HMCN2: variants seen among roughly 807,000 people sequenced by gnomAD.
HMCN2 encodes hemicentin 2.
Under a neutral mutation model 377.5 loss-of-function variants are expected in HMCN2, and 325 were observed. The ratio of observed to expected loss-of-function variants is 0.86; its 90% CI spans 0.79 to 0.94. The LOEUF (loss-of-function observed/expected upper bound fraction) is 0.94. HMCN2 is among the 40% of genes least tolerant of loss of function. The pLI, the probability that HMCN2 is intolerant of heterozygous loss-of-function variation, is 0.00. For missense variants in HMCN2, 4,543 were observed against 4,725.3 expected, an observed-to-expected ratio of 0.96 and a Z score of 1.13; for synonymous variants, 2,007 against 2,046.8, an observed-to-expected ratio of 0.98 and a Z score of 0.53.
rs1421848566 is a variant in HMCN2 at position 130,347,540 on chromosome 9, A to G, written c.4024+180A>G. On this transcript the variant is annotated intron_variant, in intron 26 of 97. Coordinates refer to ENST00000683500, the MANE Select transcript of HMCN2 (RefSeq NM_001291815.2). The surrounding 1 kb of genome is among the most constrained non-coding windows in gnomAD (Gnocchi z 5.1). ...TCCCCGGGGCCTGAAAGCTTCCTACACAGGAGAATCAGGTCCTGCCACCAG... is the reference window on the plus strand; with the variant it reads ...TCCCCGGGGCCTGAAAGCTTCCTACGCAGGAGAATCAGGTCCTGCCACCAG... Among the ~76,000 whole-genome samples, 1 of 152,162 alleles carries G rather than the reference A, an allele frequency of 6.6e-6. No homozygotes were observed. The highest frequency in any genetic ancestry group is 2.4e-5 in the African/African-American group (1 of 41,440).
At chr9:130,379,985 C>T (rs1468994798) in intron 54 of HMCN2, among the ~76,000 whole-genome samples, 2 of 152,188 alleles carry the variant, frequency 1.3e-5, no homozygotes, top group African/African-American at 2.4e-5. Flanking sequence ...AAGTGATTCT[C>T]CTGCCTCAGC....
intron 4 of HMCN2, among the ~76,000 whole-genome samples, chr9:130,291,207 T>TTTTGTTTG (rs782098065): frequency 1.3e-5 from 2 of 152,148 alleles, no homozygotes; most frequent in Non-Finnish European, 2.9e-5. Flanking sequence ...CATACTTGAT[T>TTTTGTTTG]TTTGTTTGTT....
At chr9:130,407,826 G>A (rs1268780143) in intron 83 of HMCN2, 121 bp downstream of exon 83, 5 of 700,982 alleles carry the variant, frequency 7.1e-6, no homozygotes, top group Non-Finnish European at 9.3e-6. Flanking sequence ...CACCCTGGCT[G>A]CATGTTAGAA....
At position 130,393,780 on chromosome 9, in the gene HMCN2, G is replaced by A. The variant is rs1172030517; in HGVS notation, c.10273G>A (p.Val3425Met). ...GGAGCCGGTGGAGTTCCAGAATGAC[G>A]TGGTGGTGGTTCGTGGCTCCCTGGT... Reference protein sequence around the residue: ...VLEPVEFQNDVVVVRGSLVEL... With the variant: ...VLEPVEFQNDMVVVRGSLVEL... The change falls in exon 68 of 98, where the codon GTG becomes ATG. Residue 3425 changes from valine (V) to methionine (M), a missense_variant. By Grantham distance (21) the Val-to-Met change is conservative. Transcript: ENST00000683500. This position sits in a 1 kb window ranked among gnomAD's most constrained non-coding sequence, Gnocchi z 5.2. 26 of 1,281,394 alleles carry A rather than the reference G, an allele frequency of 2.0e-5. No individual in the cohort carries two copies. The highest frequency in any genetic ancestry group is 5.6e-5 in the East Asian group (1 of 17,904). The allele number at this position is 1,281,394 out of a possible 1,614,324, so 79.4% of individuals were successfully genotyped here. A position where few individuals can be genotyped will look rare whatever the true frequency, so the allele number is the denominator to read the frequency against.
Position 130,395,987 on chromosome 9 carries a change from G to T in HMCN2, c.10975G>T (p.Ala3659Ser). 1 of 1,287,608 alleles carries T rather than the reference G, an allele frequency of 7.8e-7. No individual in the cohort carries two copies. 79.8% of individuals were successfully genotyped at this position (1,287,608 alleles called of 1,614,324 possible). Residue 3659 changes from alanine to serine, a missense_variant, in exon 72 of 98, where the codon GCT becomes TCT. Coordinates refer to ENST00000683500, the MANE Select transcript of HMCN2 (RefSeq NM_001291815.2). Reference protein sequence around the residue: ...RFLQLQALSTADSGDYSCTAR... With the variant: ...RFLQLQALSTSDSGDYSCTAR... ...CCTCCAGCTGCAGGCCCTGAGCACG[G>T]CTGACAGCGGCGACTACAGCTGCAC...
chr9:130,427,254 G>A, intron 90 of HMCN2, 59 bp from the exon 91 acceptor site: 1 of 1,524,496 alleles, frequency 6.6e-7, no homozygotes, highest in Non-Finnish European at 8.9e-7. Flanking sequence ...GCTATGGCCA[G>A]GGCAGCCTTG....
Position 130,303,441 on chromosome 9 carries a change from T to TG in HMCN2, c.1422-41dup, listed in dbSNP as rs782038399. Reference sequence around the variant, plus strand: ...GACTGAAGTCGGGGGGGACCCTGAGTGGGGGTCAGTGTGATTGTGTGTCTC... The same window carrying TG: ...GACTGAAGTCGGGGGGGACCCTGAGTGGGGGGTCAGTGTGATTGTGTGTCTC... On this transcript the variant is annotated intron_variant, in intron 9 of 97. Coordinates refer to ENST00000683500, the MANE Select transcript of HMCN2 (RefSeq NM_001291815.2). This position sits in a 1 kb window ranked among gnomAD's most constrained non-coding sequence, Gnocchi z 5.2. The TG allele has an allele frequency of 3.1e-5, 12 of 393,044 alleles. No individual in the cohort carries two copies. Among genetic ancestry groups the TG allele is most frequent in the Non-Finnish European group, 4.9e-5 (9 of 183,990 alleles). 24.3% of individuals were successfully genotyped at this position (393,044 alleles called of 1,614,324 possible).
rs898139972 is a variant in HMCN2 at position 130,315,937 on chromosome 9, C to T, written c.2351-3558C>T. Among the ~76,000 whole-genome samples, 984 of 152,310 alleles carry T rather than the reference C, an allele frequency of 6.5e-3. 7 individuals are homozygous for T. Among genetic ancestry groups the T allele is most frequent in the African/African-American group, 0.023 (937 of 41,554 alleles). On this transcript the variant is annotated intron_variant, in intron 15 of 97. Coordinates refer to ENST00000683500, the MANE Select transcript of HMCN2 (RefSeq NM_001291815.2). ...CAACCTCCATCACCTCTCAGAAGCCCCATCTCCAATACCATCACACTGGGG... is the reference window on the plus strand; with the variant it reads ...CAACCTCCATCACCTCTCAGAAGCCTCATCTCCAATACCATCACACTGGGG...
intron 25 of HMCN2, among the ~76,000 whole-genome samples, chr9:130,343,050 A>G (rs901959291): frequency 1.3e-5 from 2 of 152,242 alleles, no homozygotes; most frequent in South Asian, 4.2e-4. Flanking sequence ...GCCCCTCTGC[A>G]TGGAGCTGCT....
At chr9:130,284,729 G>A in intron 2 of HMCN2, 56 bp downstream of exon 2, 2 of 469,340 alleles carry the variant, frequency 4.3e-6, no homozygotes, top group East Asian at 7.0e-5. Flanking sequence ...CCACCAATAG[G>A]GTTTGGGGAG....
intron 26 of HMCN2, chr9:130,348,059 G>A: frequency 1.0e-6 from 1 of 985,264 alleles, no homozygotes; most frequent in Non-Finnish European, 1.2e-6. Flanking sequence ...GCTGGGGAGT[G>A]GTCTCTGTCG....
chr9:130,405,964 GC>G lies in HMCN2; in HGVS notation c.12350del (p.Ala4117GlufsTer112). On this transcript the variant is annotated frameshift_variant, in exon 82 of 98. Coordinates refer to ENST00000683500, the MANE Select transcript of HMCN2 (RefSeq NM_001291815.2). LOFTEE classifies it high-confidence loss of function. ...LLVKNLEGQD[A>X]GTYTCTAENA... ...CTTTCTTTGCTCACAGGGCCAGGAC[GC>G]AGGCACCTATACCTGTACCGCTGAG... 1 of 1,286,186 alleles carries G rather than the reference GC, an allele frequency of 7.8e-7. No homozygotes were observed. The highest frequency in any genetic ancestry group is 1.0e-6 in the Non-Finnish European group (1 of 986,044). The allele number at this position is 1,286,186 out of a possible 1,614,324, so 79.7% of individuals were successfully genotyped here.
chr9:130,267,226 T>C (rs1157999181), intron 1 of HMCN2, among the ~76,000 whole-genome samples: 4 of 151,698 alleles, frequency 2.6e-5, no homozygotes, highest in Non-Finnish European at 4.4e-5. Context: ...ATTACAAGCA[T>C]GAGCCACTGC....
intron 8 of HMCN2, among the ~76,000 whole-genome samples, chr9:130,302,068 G>A (rs1836545596): frequency 9.4e-6 from 1 of 106,942 alleles, no homozygotes; most frequent in Non-Finnish European, 1.8e-5. Flanking sequence ...TTGAGATGAA[G>A]TCTTGCTCTG....
At chr9:130,275,860 G>GCCTGGAGA (rs1313095467) in intron 1 of HMCN2, among the ~76,000 whole-genome samples, 11 of 152,098 alleles carry the variant, frequency 7.2e-5, no homozygotes, top group Admixed American at 5.2e-4. Context: ...CTCCTTGGAG[G>GCCTGGAGA]CCTGGAGGCC....
chr9:130,371,045 A>C lies in HMCN2; in HGVS notation c.7151A>C (p.Glu2384Ala). The change falls in exon 46 of 98, where the codon GAA becomes GCA. Residue 2384 changes from glutamate to alanine, a missense_variant. By Grantham distance (107) the Glu-to-Ala change is moderately radical. This residue lies in a region of HMCN2 where 1,032 missense variants were observed against 1,285.1 expected (regional missense o/e 0.80). Coordinates refer to ENST00000683500, the MANE Select transcript of HMCN2 (RefSeq NM_001291815.2). ...CACAGCCCCTTAACTCTGCTCTGTG[A>C]AGCCATGGGGATCCCACCTCCAGCC... ...ALHSPLTLLC[E>A]AMGIPPPAIR... 1 of 985,902 alleles carries C rather than the reference A, an allele frequency of 1.0e-6. No individual in the cohort carries two copies. Among genetic ancestry groups the C allele is most frequent in the African/African-American group, 1.7e-5 (1 of 57,360 alleles). The allele number at this position is 985,902 out of a possible 1,614,324, so 61.1% of individuals were successfully genotyped here. A position where few individuals can be genotyped will look rare whatever the true frequency, so the allele number is the denominator to read the frequency against.
rs1843570976 is a variant in HMCN2 at position 130,414,204 on chromosome 9, A to G, written c.12961+3552A>G. On this transcript the variant is annotated intron_variant, in intron 85 of 97. Coordinates refer to ENST00000683500, the MANE Select transcript of HMCN2 (RefSeq NM_001291815.2). The surrounding 1 kb of genome is among the most constrained non-coding windows in gnomAD (Gnocchi z 4.4). ...CACCTAATGAGGAGACAGAATTGTCACCACTGTCATCTACTGAGTGGGAAG... is the reference window on the plus strand; with the variant it reads ...CACCTAATGAGGAGACAGAATTGTCGCCACTGTCATCTACTGAGTGGGAAG... 6.6e-6 allele frequency among the ~76,000 whole-genome samples: 1 copy of G among 152,148 alleles called. No individual in the cohort carries two copies. Among genetic ancestry groups the G allele is most frequent in the African/African-American group, 2.4e-5 (1 of 41,422 alleles).
Position 130,390,679 on chromosome 9 carries a change from G to A in HMCN2, c.9524-298G>A, listed in dbSNP as rs572240041. Among the ~76,000 whole-genome samples the A allele has an allele frequency of 3.9e-5, 6 of 152,112 alleles. No individual in the cohort carries two copies. The East Asian group carries it at 5.8e-4, about 15-fold the overall frequency. On this transcript the variant is annotated intron_variant, in intron 62 of 97. Coordinates refer to ENST00000683500, the MANE Select transcript of HMCN2 (RefSeq NM_001291815.2). ...TGATAGACAGGGGTAGAGGGGCAGG[G>A]CATGGAGGGAGAAAGCAAAAGCAGA...
At chr9:130,365,763 T>C (rs1253997069) in intron 42 of HMCN2, 36 bp downstream of exon 42, 6 of 980,402 alleles carry the variant, frequency 6.1e-6, no homozygotes, top group Non-Finnish European at 7.3e-6. Flanking sequence ...GGGAGGGGGC[T>C]GCTGCCTTGA....
Sources: gnomAD v4.1 joint callset for allele counts (sites outside exome capture counted in the v4.1 genomes callset) on GRCh38, gnomAD v4.1.1 for gene constraint, gnomAD v4.1.1 regional missense constraint, Gnocchi (gnomAD v3.1) non-coding constraint, MANE v1.5 for transcripts, NCBI Gene and HGNC (gene_info 2026-07-23, HGNC 2026-07-21) for gene names.